USH2A: variants seen among roughly 807,000 people sequenced by gnomAD.
USH2A encodes the protein usherin.
USH2A carries 443 observed loss-of-function variants against 538.9 expected under a neutral mutation model. The observed-to-expected ratio is 0.82, with a 90% CI of 0.76 to 0.89. USH2A has a LOEUF of 0.89. USH2A is among the 40% of genes least tolerant of loss of function. The pLI is 0.00. For missense variants in USH2A, 6,633 were observed against 6,324.8 expected (o/e 1.05, Z -1.65); for synonymous variants, 2,413 against 2,273.5 (o/e 1.06, Z -1.75).
At chr1:216,182,253 G>A in intron 20 of USH2A, among the ~76,000 whole-genome samples, 1 of 151,948 alleles carries the variant, frequency 6.6e-6, no homozygotes, top group East Asian at 1.9e-4. Flanking sequence ...GTTTTTTAGG[G>A]CGTATCTGTC....
intron 38 of USH2A, 53 bp downstream of exon 38, chr1:215,934,563 T>A (rs1666442168): frequency 6.4e-7 from 1 of 1,572,248 alleles, no homozygotes; most frequent in East Asian, 2.3e-5. Flanking sequence ...AATGGAAACT[T>A]AATTCTAGGG....
intron 9 of USH2A, among the ~76,000 whole-genome samples, chr1:216,299,096 C>A (rs2102619759): frequency 6.6e-6 from 1 of 152,196 alleles, no homozygotes; most frequent in South Asian, 2.1e-4. Context: ...CCCGCCTCGG[C>A]CTCCCAAAGT....
At chr1:215,684,514 T>C (rs1169656496) in intron 61 of USH2A, among the ~76,000 whole-genome samples, 1 of 152,202 alleles carries the variant, frequency 6.6e-6, no homozygotes, top group African/African-American at 2.4e-5. Flanking sequence ...ATCCAGCAGT[T>C]TCCAGAGCTT....
At chr1:215,935,381 T>C (rs1666467809) in intron 37 of USH2A, among the ~76,000 whole-genome samples, 1 of 152,014 alleles carries the variant, frequency 6.6e-6, no homozygotes, top group South Asian at 2.1e-4. Flanking sequence ...AGTCAGAATA[T>C]CTTGAAAAGC....
rs535266847 is a variant in USH2A at position 216,329,987 on chromosome 1, G to T, written c.785-2333C>A. Among the ~76,000 whole-genome samples the T allele has an allele frequency of 2.6e-5, 4 of 152,202 alleles. No individual in the cohort carries two copies. The East Asian group carries it at 7.7e-4, about 29-fold the overall frequency. ...AATATTTTATATAACCTCTAGGGAA[G>T]TGTTTTATCTCAAAGAACCCAGATC... On this transcript the variant is annotated intron_variant, in intron 4 of 71. Transcript: ENST00000307340.
chr1:216,081,253 A>G (rs908303597), intron 26 of USH2A, among the ~76,000 whole-genome samples: 2 of 152,154 alleles, frequency 1.3e-5, no homozygotes, highest in Admixed American at 1.3e-4. Flanking sequence ...TTAACTAGAA[A>G]GTGGGCTAAT....
At chr1:215,950,667 G>A (rs73092435) in intron 37 of USH2A, among the ~76,000 whole-genome samples, 5,881 of 151,630 alleles carry the variant, frequency 0.039, 169 homozygotes, top group South Asian at 0.084. Context: ...CACCATGTCC[G>A]GCTAATATTT....
chr1:215,691,537 T>G (rs1335586712), intron 61 of USH2A, among the ~76,000 whole-genome samples: 1 of 152,186 alleles, frequency 6.6e-6, no homozygotes, highest in Admixed American at 6.5e-5. Context: ...GAGCCACTCT[T>G]CTTTAAAACT....
At chr1:216,269,027 C>A (rs532271886) in intron 11 of USH2A, among the ~76,000 whole-genome samples, 2 of 152,204 alleles carry the variant, frequency 1.3e-5, no homozygotes, top group South Asian at 2.1e-4. Flanking sequence ...TCCATAGTGG[C>A]AGGAATTTTC....
intron 47 of USH2A, among the ~76,000 whole-genome samples, chr1:215,837,544 G>A (rs1305929979): frequency 3.3e-5 from 5 of 152,096 alleles, no homozygotes; most frequent in African/African-American, 1.2e-4. Flanking sequence ...CCAAGAAGCT[G>A]ACAAAATTGG....
intron 44 of USH2A, among the ~76,000 whole-genome samples, chr1:215,865,214 G>A (rs11120680): frequency 0.12 from 18,532 of 152,080 alleles, 1,619 homozygotes; most frequent in East Asian, 0.28. Context: ...ACAAGCTTTC[G>A]CAAGACTGAC....
intron 58 of USH2A, among the ~76,000 whole-genome samples, chr1:215,749,364 A>G (rs1660562968): frequency 6.6e-6 from 1 of 152,234 alleles, no homozygotes; most frequent in Non-Finnish European, 1.5e-5. Context: ...CCATGAGCAT[A>G]GAAAATGTAT....
intron 11 of USH2A, among the ~76,000 whole-genome samples, chr1:216,265,837 G>A (rs144621893): frequency 9.9e-5 from 15 of 152,114 alleles, no homozygotes; most frequent in African/African-American, 3.6e-4. Context: ...ATATGTGGAA[G>A]CTAAACCAGT....
intron 13 of USH2A, among the ~76,000 whole-genome samples, chr1:216,235,819 A>AT (rs2102528334): frequency 6.6e-6 from 1 of 152,316 alleles, no homozygotes; most frequent in African/African-American, 2.4e-5. Context: ...ATTGTAAGAC[A>AT]TTTAGAAGAA....
rs569310300 is a variant in USH2A at position 216,075,467 on chromosome 1, C to T, written c.5573-2167G>A. Among the ~76,000 whole-genome samples the T allele has an allele frequency of 7.9e-5, 12 of 152,200 alleles. No individual in the cohort carries two copies. The East Asian group carries it at 2.3e-3, about 29-fold the overall frequency. ...ACCCTTGTGAGAATCCAAAAAAATC[C>T]CCATCCACACCACCACCCCTGGGCC... is the stretch of plus-strand genomic sequence containing the variant. On this transcript the variant is annotated intron_variant, in intron 27 of 71. Coordinates refer to ENST00000307340, the MANE Select transcript of USH2A (RefSeq NM_206933.4).
intron 32 of USH2A, among the ~76,000 whole-genome samples, chr1:216,009,605 C>T (rs564826228): frequency 1.3e-5 from 2 of 152,208 alleles, no homozygotes; most frequent in East Asian, 1.9e-4. Context: ...TCAGTCTCAA[C>T]CCCAAGCGTC....
At chr1:215,788,848 A>G (rs1661884871) in intron 51 of USH2A, among the ~76,000 whole-genome samples, 1 of 152,190 alleles carries the variant, frequency 6.6e-6, no homozygotes, top group Non-Finnish European at 1.5e-5. Flanking sequence ...TTAAGCTTTT[A>G]AAAAATTTAC....
intron 21 of USH2A, among the ~76,000 whole-genome samples, chr1:216,128,596 T>C (rs914761047): frequency 3.9e-5 from 6 of 152,054 alleles, no homozygotes; most frequent in African/African-American, 1.4e-4. Flanking sequence ...TTTTCTTAAA[T>C]TGTAAAATTT....
In USH2A at chr1:216,325,162, A is replaced by G. The variant is rs2037704113; in HGVS notation, c.1143+143T>C. 4 of 960,552 alleles carry G rather than the reference A, an allele frequency of 4.2e-6. No individual in the cohort carries two copies. In the South Asian group the frequency reaches 6.1e-5, roughly 15 times the overall value. 59.5% of individuals were successfully genotyped at this position (960,552 alleles called of 1,614,324 possible). The stretch of plus-strand genomic sequence containing the variant: ...TCCTCTGGAATCTTTAAGGGAATGT[A>G]GCCCTGCCAACATGTTGATTTCATA... On this transcript the variant is annotated intron_variant, in intron 6 of 71. Transcript: ENST00000307340.
Sources: allele counts gnomAD v4.1 joint callset (sites outside exome capture counted in the v4.1 genomes callset), GRCh38; gene constraint gnomAD v4.1.1; transcripts MANE v1.5; gene names NCBI Gene and HGNC (gene_info 2026-07-23, HGNC 2026-07-21).